The following EIF4A1 variants were observed in gnomAD, a reference collection of about 807,000 sequenced individuals.
EIF4A1 encodes eukaryotic translation initiation factor 4A1.
EIF4A1 carries 11 observed loss-of-function variants against 53.5 expected under a neutral mutation model. The ratio of observed to expected loss-of-function variants is 0.21; its 90% CI spans 0.13 to 0.34. The LOEUF (loss-of-function observed/expected upper bound fraction) is 0.34. EIF4A1 is among the 10% of genes least tolerant of loss of function. The pLI is 1.00. For synonymous variants in EIF4A1, 237 were observed against 186.7 expected, an observed-to-expected ratio of 1.27 and a Z score of -2.20; for missense variants, 213 against 530.8, an observed-to-expected ratio of 0.40 and a Z score of 5.88.
intron 2 of EIF4A1, 61 bp downstream of exon 2, chr17:7,574,369 A>G: frequency 6.2e-7 from 1 of 1,612,572 alleles, no homozygotes; most frequent in Non-Finnish European, 8.5e-7. Flanking sequence ...GTATAGAGTT[A>G]GAGTGGCCTC....
rs2071384241 is a variant in EIF4A1 at position 7,575,194 on chromosome 17, T to C, written c.281T>C (p.Ile94Thr). ...TTTGCCATATCGATTCTGCAGCAGA[T>C]TGAATTAGATCTAAAAGCCACCCAG... ...ATFAISILQQIELDLKATQAL... is the reference protein window; with the variant it reads ...ATFAISILQQTELDLKATQAL... Residue 94 changes from isoleucine to threonine, a missense_variant, in exon 4 of 11, where the codon ATT (isoleucine) becomes ACT (threonine). Ile to Thr is a moderately conservative substitution (Grantham distance 89). Around this residue, in one of 4 missense-constraint regions of EIF4A1, gnomAD observed 119 missense variants for 351.0 expected, o/e 0.34. Coordinates refer to ENST00000293831, the MANE Select transcript of EIF4A1 (RefSeq NM_001416.4). 6.2e-7 allele frequency: 1 copy of C among 1,613,208 alleles called. No individual in the cohort carries two copies. The highest frequency in any genetic ancestry group is 1.1e-5 in the South Asian group (1 of 91,044).
chr17:7,575,418 C>T (rs773809897), intron 4 of EIF4A1, 160 bp downstream of exon 4: 1 of 1,070,192 alleles, frequency 9.3e-7, no homozygotes, highest in East Asian at 2.6e-5. Flanking sequence ...ATTTCTTACC[C>T]AAACGTAACC....
chr17:7,578,129 C>G (rs370672994), intron 9 of EIF4A1, 36 bp from the exon 10 acceptor site: 78 of 1,613,510 alleles, frequency 4.8e-5, no homozygotes, highest in Middle Eastern at 1.6e-4. Flanking sequence ...GAGTGTCCTC[C>G]GTGCACATGC....
chr17:7,576,973 GTTT>G (rs770974722), intron 5 of EIF4A1, 80 bp from the exon 6 acceptor site: 2 of 1,543,938 alleles, frequency 1.3e-6, no homozygotes, highest in East Asian at 2.2e-5. Flanking sequence ...GCTCCTCTCT[GTTT>G]TTTATCAGCG....
At chr17:7,576,406 T>G in intron 4 of EIF4A1, 118 bp from the exon 5 acceptor site, 1 of 1,320,850 alleles carries the variant, frequency 7.6e-7, no homozygotes, top group South Asian at 1.7e-5. Context: ...TGAATGTGAG[T>G]TTAATAATAG....
In EIF4A1 at chr17:7,575,275, T is replaced by C. The variant is rs201509360; in HGVS notation, c.345+17T>C. ...GCTCAGCAGGTAAGAGTGGCTTCTA[T>C]TCCCTCCTTCAGGGCTGATTTAGGG... is the stretch of plus-strand genomic sequence containing the variant. On this transcript the variant is annotated intron_variant, in intron 4 of 10. Transcript: ENST00000293831. 205 of 1,613,568 alleles carry C rather than the reference T, an allele frequency of 1.3e-4. No individual in the cohort carries two copies. The highest frequency in any genetic ancestry group is 1.6e-4 in the Non-Finnish European group (188 of 1,180,002).
chr17:7,578,265 C>T lies in EIF4A1; in HGVS notation c.1076+21C>T, dbSNP rs773505409. 62 of 1,614,034 alleles carry T rather than the reference C, an allele frequency of 3.8e-5. 1 individual carries two copies. In the East Asian group the frequency reaches 1.1e-3, roughly 30 times the overall value. Reference sequence around the variant, plus strand: ...CACAGGTAAGCGTAGATCTGGAACACTCCCCTACCCCTTCACACCTGGCCC... The same window carrying T: ...CACAGGTAAGCGTAGATCTGGAACATTCCCCTACCCCTTCACACCTGGCCC... On this transcript the variant is annotated intron_variant, in intron 10 of 10. Transcript: ENST00000293831.
In EIF4A1 at chr17:7,577,048, T is replaced by C; in HGVS notation, c.515-8T>C. The C allele has an allele frequency of 6.2e-7, 1 of 1,613,966 alleles. No individual in the cohort carries two copies. ...ATGCTATATATTGGCTTTTTTTTTC[T>C]TCTCTAGCCCCCAAATACATCAAGA... On this transcript the variant is annotated splice_region_variant and splice_polypyrimidine_tract_variant and intron_variant, in intron 5 of 10. Coordinates refer to ENST00000293831, the MANE Select transcript of EIF4A1 (RefSeq NM_001416.4). The surrounding 1 kb of genome is among the most constrained non-coding windows in gnomAD (Gnocchi z 4.7).
intron 5 of EIF4A1, 78 bp downstream of exon 5, chr17:7,576,770 G>A: frequency 6.4e-7 from 1 of 1,556,960 alleles, no homozygotes; most frequent in Non-Finnish European, 8.7e-7. Flanking sequence ...GTAAGCCAGA[G>A]TCATTCCCAA....
In EIF4A1 at chr17:7,577,536, G is replaced by T. The variant is rs754269073; in HGVS notation, c.769-33G>T. ...GCCTGGTAGTGAGTTGTTGGGTATA[G>T]CCCCTGACTGATTTTTGTCCCCCAA... On this transcript the variant is annotated intron_variant, in intron 7 of 10. Coordinates refer to ENST00000293831, the MANE Select transcript of EIF4A1 (RefSeq NM_001416.4). This position sits in a 1 kb window ranked among gnomAD's most constrained non-coding sequence, Gnocchi z 4.7. 1 of 1,612,882 alleles carries T rather than the reference G, an allele frequency of 6.2e-7. No individual in the cohort carries two copies. The highest frequency in any genetic ancestry group is 1.1e-5 in the South Asian group (1 of 90,982).
chr17:7,575,330 G>A (rs1162371557), intron 4 of EIF4A1, 72 bp downstream of exon 4: 4 of 1,603,920 alleles, frequency 2.5e-6, no homozygotes, highest in Non-Finnish European at 3.4e-6. Flanking sequence ...GACCAGAGAA[G>A]TCTTCTCTGA....
intron 3 of EIF4A1, 66 bp from the exon 4 acceptor site, chr17:7,575,052 AC>A: frequency 6.3e-7 from 1 of 1,593,958 alleles, no homozygotes; most frequent in East Asian, 2.2e-5. Context: ...GACCTCATTA[AC>A]CTAGGACTTG....
chr17:7,574,974 T>G, intron 3 of EIF4A1, 145 bp from the exon 4 acceptor site: 1 of 1,199,938 alleles, frequency 8.3e-7, no homozygotes, highest in South Asian at 1.3e-5. Context: ...TGGTTCCCAT[T>G]GTGTAACTGT....
Position 7,574,327 on chromosome 17 carries a change from A to G in EIF4A1, c.72+19A>G, listed in dbSNP as rs767155875. The G allele has an allele frequency of 1.9e-6, 3 of 1,614,084 alleles. No individual in the cohort carries two copies. Among genetic ancestry groups the G allele is most frequent in the Admixed American group, 3.3e-5 (2 of 60,012 alleles). On this transcript the variant is annotated intron_variant, in intron 2 of 10. Transcript: ENST00000293831. ...CATCGAGGTGAGACTGGAGAAATGG[A>G]ATTCTGTCCTCCCCCATTACAACTT...
In EIF4A1 at chr17:7,577,353, C is replaced by T. The variant is rs575267818; in HGVS notation, c.634C>T (p.Leu212=). Residue 212 remains leucine (L), a synonymous_variant, in exon 7 of 11, where the codon CTG becomes TTG. Transcript: ENST00000293831. This position sits in a 1 kb window ranked among gnomAD's most constrained non-coding sequence, Gnocchi z 4.7. The part of the protein sequence containing the change: ...KLNSNTQVVL[L]SATMPSDVLE... ...CCTTTTTTTCCACTAGGTAGTTTTG[C>T]TGTCAGCCACAATGCCTTCTGATGT... The T allele has an allele frequency of 3.2e-5, 52 of 1,613,990 alleles. No homozygotes were observed. The South Asian group carries it at 3.3e-4, about 10-fold the overall frequency.
chr17:7,575,015 A>C (rs2071382253), intron 3 of EIF4A1, 104 bp from the exon 4 acceptor site: 2 of 1,479,006 alleles, frequency 1.4e-6, no homozygotes, highest in East Asian at 4.5e-5. Flanking sequence ...GTGAGCCATG[A>C]AATGCTTGGT....
At chr17:7,575,307 AG>A (rs1310821760) in intron 4 of EIF4A1, 49 bp downstream of exon 4, 1 of 1,610,844 alleles carries the variant, frequency 6.2e-7, no homozygotes, top group Non-Finnish European at 8.5e-7. Context: ...AGGGATGATG[AG>A]TATAATCCAA....
Position 7,577,725 on chromosome 17 carries a change from A to T in EIF4A1, c.906+19A>T. On this transcript the variant is annotated intron_variant, in intron 8 of 10. Transcript: ENST00000293831. The surrounding 1 kb of genome is among the most constrained non-coding windows in gnomAD (Gnocchi z 4.7). ...CGCCATGGTGTGTTTGCCCGCTGCC[A>T]GCCTGTTGTGGGTCTGCCCGTCAGA... The T allele has an allele frequency of 6.2e-7, 1 of 1,613,312 alleles. No individual in the cohort carries two copies. The highest frequency in any genetic ancestry group is 2.2e-5 in the East Asian group (1 of 44,806).
At position 7,578,550 on chromosome 17, in the gene EIF4A1, G is replaced by A. The variant is rs1342196325; in HGVS notation, c.*64G>A. 1.6e-5 allele frequency: 24 copies of A among 1,483,562 alleles called. No homozygotes were observed. Among genetic ancestry groups the A allele is most frequent in the East Asian group, 1.2e-4 (5 of 42,780 alleles). 91.9% of individuals were successfully genotyped at this position (1,483,562 alleles called of 1,614,324 possible). ...CTCTGGGGGCTGAGGAGCAGCAGGA[G>A]GGGGGAGGGAAGGGAGCCAAGGGAT... is the stretch of plus-strand genomic sequence containing the variant. On this transcript the variant is annotated 3_prime_UTR_variant, in exon 11 of 11. Coordinates refer to ENST00000293831, the MANE Select transcript of EIF4A1 (RefSeq NM_001416.4).
Sources: gnomAD v4.1 joint callset for allele counts on GRCh38, gnomAD v4.1.1 for gene constraint, gnomAD v4.1.1 regional missense constraint, Gnocchi (gnomAD v3.1) non-coding constraint, MANE v1.5 for transcripts, NCBI Gene and HGNC (gene_info 2026-07-23, HGNC 2026-07-21) for gene names.